Variants in PDE6D observed in about 807,000 individuals in gnomAD.
PDE6D encodes phosphodiesterase 6D, also known as retinal rod rhodopsin-sensitive cGMP 3',5'-cyclic phosphodiesterase subunit delta.
In PDE6D, 10 loss-of-function variants were observed where a neutral mutation model predicts 21.9. That is an observed-to-expected ratio of 0.46 (90% CI 0.28 to 0.78). PDE6D has a LOEUF of 0.78. Among genes scored for constraint, PDE6D ranks in the 30% least tolerant of loss-of-function variants. The probability of loss-of-function intolerance (pLI) is 0.12; values close to 1 mark genes in which losing one functional copy is unlikely to be tolerated. For missense variants in PDE6D, 139 were observed against 184.8 expected, an observed-to-expected ratio of 0.75 and a Z score of 1.44; for synonymous variants, 59 against 63.5, an observed-to-expected ratio of 0.93 and a Z score of 0.34.
chr2:231,747,619 T>G (rs910116642), intron 1 of PDE6D, among the ~76,000 whole-genome samples: 1 of 152,216 alleles, frequency 6.6e-6, no homozygotes, highest in African/African-American at 2.4e-5. Flanking sequence ...AAAGGGTCTT[T>G]TAAAACTGTA....
rs749159418 is a variant in PDE6D, at chr2:231,739,265, T to C, written c.51-77A>G. On this transcript the variant is annotated intron_variant, in intron 1 of 4. Transcript: ENST00000287600. This position sits in a 1 kb window ranked among gnomAD's most constrained non-coding sequence, Gnocchi z 4.2. ...TGTATTCTAGGTGTCTCATGTTTAC[T>C]CCCACCAACTCTTGTTTACTTTTTA... The C allele has an allele frequency of 2.2e-5, 19 of 867,562 alleles. No homozygotes were observed. Among genetic ancestry groups the C allele is most frequent in the Non-Finnish European group, 3.8e-5 (19 of 500,946 alleles). 53.7% of individuals were successfully genotyped at this position (867,562 alleles called of 1,614,324 possible).
At chr2:231,769,510 GCTCT>G (rs750870731) in intron 1 of PDE6D, among the ~76,000 whole-genome samples, 37 of 151,084 alleles carry the variant, frequency 2.4e-4, no homozygotes, top group Non-Finnish European at 3.1e-4. Flanking sequence ...CCTACAATTT[GCTCT>G]CTCTCTCTCT....
intron 1 of PDE6D, among the ~76,000 whole-genome samples, chr2:231,751,484 T>C (rs1035431437): frequency 6.6e-6 from 1 of 152,198 alleles, no homozygotes; most frequent in African/African-American, 2.4e-5. Flanking sequence ...TGCAAAATAG[T>C]AGAGTTCTCA....
intron 1 of PDE6D, among the ~76,000 whole-genome samples, chr2:231,745,428 G>A (rs1336152737): frequency 6.6e-6 from 1 of 152,176 alleles, no homozygotes; most frequent in Admixed American, 6.5e-5. Context: ...AGGTGGACAG[G>A]CTTTAAAGGA....
rs763429054 is a variant in PDE6D at position 231,739,214 on chromosome 2, T to A, written c.51-26A>T. 4.9e-6 allele frequency: 7 copies of A among 1,436,950 alleles called. No individual in the cohort carries two copies. The highest frequency in any genetic ancestry group is 5.9e-6 in the Non-Finnish European group (6 of 1,018,694). The allele number at this position is 1,436,950 out of a possible 1,614,324, so 89.0% of individuals were successfully genotyped here. On this transcript the variant is annotated intron_variant, in intron 1 of 4. Transcript: ENST00000287600. The surrounding 1 kb of genome is among the most constrained non-coding windows in gnomAD (Gnocchi z 4.2). ...CTGATCAAATATGACTAAGGAAAAATAAGGCACTGAAAGTGACTCCCACTT... is the reference window on the plus strand; with the variant it reads ...CTGATCAAATATGACTAAGGAAAAAAAAGGCACTGAAAGTGACTCCCACTT...
chr2:231,772,817 G>A (rs1451640146), intron 1 of PDE6D, among the ~76,000 whole-genome samples: 3 of 152,190 alleles, frequency 2.0e-5, no homozygotes, highest in African/African-American at 7.2e-5. Flanking sequence ...AGAAGTTACT[G>A]TAATGTTTCA....
At chr2:231,750,047 G>C (rs573745700) in intron 1 of PDE6D, among the ~76,000 whole-genome samples, 26 of 152,068 alleles carry the variant, frequency 1.7e-4, no homozygotes, top group Admixed American at 1.6e-3. Flanking sequence ...AGGGATTTAG[G>C]GGGGAGGTAA....
chr2:231,752,977 G>A (rs1294551688), intron 1 of PDE6D, among the ~76,000 whole-genome samples: 1 of 150,584 alleles, frequency 6.6e-6, no homozygotes, highest in Non-Finnish European at 1.5e-5. Context: ...GACTACAGGC[G>A]CCCGCCACCA....
At chr2:231,755,784 G>A (rs913843148) in intron 1 of PDE6D, among the ~76,000 whole-genome samples, 3 of 152,154 alleles carry the variant, frequency 2.0e-5, no homozygotes, top group Non-Finnish European at 4.4e-5. Context: ...GCTGGGTGTG[G>A]TGGCGCATGC....
chr2:231,779,896 G>T (rs1433978922), intron 1 of PDE6D, among the ~76,000 whole-genome samples: 2 of 152,188 alleles, frequency 1.3e-5, no homozygotes, highest in Non-Finnish European at 2.9e-5. Flanking sequence ...GCGTGACATG[G>T]ACATTGTGAA....
chr2:231,751,110 T>C (rs2048836345), intron 1 of PDE6D, among the ~76,000 whole-genome samples: 1 of 148,474 alleles, frequency 6.7e-6, no homozygotes, highest in South Asian at 2.1e-4. Flanking sequence ...TCAGGTGTTA[T>C]TCTATTCTAG....
At chr2:231,776,875 T>C (rs1017893505) in intron 1 of PDE6D, among the ~76,000 whole-genome samples, 19 of 152,230 alleles carry the variant, frequency 1.2e-4, no homozygotes, top group African/African-American at 4.3e-4. Flanking sequence ...TTAGGAAATG[T>C]TATGCTTTTA....
chr2:231,766,731 G>C (rs1465717783), intron 1 of PDE6D, among the ~76,000 whole-genome samples: 1 of 152,142 alleles, frequency 6.6e-6, no homozygotes, highest in Non-Finnish European at 1.5e-5. Flanking sequence ...GGTGGCTCAT[G>C]CCTATTATCC....
chr2:231,774,789 C>T (rs1574636532), intron 1 of PDE6D, among the ~76,000 whole-genome samples: 1 of 152,052 alleles, frequency 6.6e-6, no homozygotes, highest in Admixed American at 6.6e-5. Flanking sequence ...CGGGGTTTCA[C>T]CATGTTGGCC....
intron 1 of PDE6D, among the ~76,000 whole-genome samples, chr2:231,750,340 C>T (rs1014785229): frequency 1.3e-5 from 2 of 152,024 alleles, no homozygotes; most frequent in African/African-American, 4.8e-5. Context: ...AAAGTTGCAT[C>T]TAAAAAATTT....
intron 1 of PDE6D, among the ~76,000 whole-genome samples, chr2:231,763,325 T>C (rs572974917): frequency 3.9e-5 from 6 of 152,218 alleles, no homozygotes; most frequent in Non-Finnish European, 8.8e-5. Context: ...TTCCCTCCAA[T>C]TCTCCAAAGA....
intron 4 of PDE6D, among the ~76,000 whole-genome samples, chr2:231,734,169 A>G (rs974539841): frequency 2.6e-5 from 4 of 151,912 alleles, no homozygotes; most frequent in Admixed American, 2.0e-4. Flanking sequence ...AGCCGAGATC[A>G]CGCCACTGCA....
At chr2:231,736,588 A>G (rs1203370300) in intron 4 of PDE6D, among the ~76,000 whole-genome samples, 1 of 152,218 alleles carries the variant, frequency 6.6e-6, no homozygotes, top group Non-Finnish European at 1.5e-5. Context: ...GCACAAACAA[A>G]TTGTTCTTGG....
intron 1 of PDE6D, among the ~76,000 whole-genome samples, chr2:231,741,747 G>A (rs556483903): frequency 1.2e-3 from 183 of 152,234 alleles, no homozygotes; most frequent in African/African-American, 4.2e-3. Flanking sequence ...AAAATTAAAG[G>A]TAGTACTGGA....
Sources: allele counts gnomAD v4.1 joint callset (sites outside exome capture counted in the v4.1 genomes callset), GRCh38; gene constraint gnomAD v4.1.1; non-coding constraint Gnocchi (gnomAD v3.1); transcripts MANE v1.5; gene names NCBI Gene and HGNC (gene_info 2026-07-23, HGNC 2026-07-21).